The following URI1 variants were observed in gnomAD, a reference collection of about 807,000 sequenced individuals.
The protein encoded by URI1 is URI1 prefoldin like chaperone, also known as unconventional prefoldin RPB5 interactor 1.
Under a neutral mutation model 60.2 loss-of-function variants are expected in URI1, and 39 were observed. That is an observed-to-expected ratio of 0.65 (90% confidence interval 0.50 to 0.85). The LOEUF is 0.85. Among genes scored for constraint, URI1 ranks in the 40% least tolerant of loss-of-function variants. URI1 has a pLI of 0.00. For synonymous variants in URI1, 251 were observed against 236.8 expected (o/e 1.06, Z -0.55); for missense variants, 691 against 665.9 (o/e 1.04, Z -0.42).
intron 4 of URI1, among the ~76,000 whole-genome samples, chr19:29,986,779 T>C (rs1052842190): frequency 3.3e-5 from 5 of 152,216 alleles, no homozygotes; most frequent in African/African-American, 9.7e-5. Flanking sequence ...AATACTTTAG[T>C]ACACAGAAAT....
At chr19:29,969,318 G>A (rs756215771) in intron 1 of URI1, among the ~76,000 whole-genome samples, 26 of 152,310 alleles carry the variant, frequency 1.7e-4, no homozygotes, top group Admixed American at 1.1e-3. Context: ...ACGAAGTGGA[G>A]GGTAGACTAT....
In URI1 at chr19:29,957,092, A is replaced by G. The variant is rs150238270; in HGVS notation, c.118-14101A>G. On this transcript the variant is annotated intron_variant, in intron 1 of 10. Transcript: ENST00000392271. ...ATTTTCCTGCTTATAATTCTTTTGG[A>G]TTTATCAGCAGGAAAACCGTAAAAG... 965 of 489,732 alleles carry G rather than the reference A, an allele frequency of 2.0e-3. 8 individuals are homozygous for G. Among genetic ancestry groups the G allele is most frequent in the African/African-American group, 0.017 (873 of 51,334 alleles). 30.3% of individuals were successfully genotyped at this position (489,732 alleles called of 1,614,324 possible).
chr19:29,980,619 A>C (rs1319107700), intron 2 of URI1, among the ~76,000 whole-genome samples: 1 of 143,940 alleles, frequency 6.9e-6, no homozygotes, highest in African/African-American at 2.5e-5. Context: ...TCTTAAAAAA[A>C]AAAAAAAAAA....
intron 4 of URI1, among the ~76,000 whole-genome samples, chr19:29,995,678 T>A (rs2055803624): frequency 6.6e-6 from 1 of 152,076 alleles, no homozygotes; most frequent in African/African-American, 2.4e-5. Context: ...GCTTTTCATG[T>A]CATATCTAAG....
intron 2 of URI1, among the ~76,000 whole-genome samples, chr19:29,974,583 C>A (rs973237371): frequency 4.6e-5 from 7 of 152,094 alleles, no homozygotes; most frequent in African/African-American, 1.7e-4. Flanking sequence ...CTCCTACCTC[C>A]AATTTTTTTT....
At chr19:29,977,247 C>G (rs1261227963) in intron 2 of URI1, among the ~76,000 whole-genome samples, 6 of 151,668 alleles carry the variant, frequency 4.0e-5, no homozygotes, top group Non-Finnish European at 7.4e-5. Flanking sequence ...TGAGGCATTC[C>G]TTGTGCACAG....
At chr19:29,965,856 G>A (rs937251148) in intron 1 of URI1, among the ~76,000 whole-genome samples, 4 of 152,218 alleles carry the variant, frequency 2.6e-5, no homozygotes, top group African/African-American at 4.8e-5. Flanking sequence ...GCCAGAGCAC[G>A]TTAGACATAG....
At chr19:29,984,225 A>G (rs1490269732) in intron 2 of URI1, among the ~76,000 whole-genome samples, 2 of 152,164 alleles carry the variant, frequency 1.3e-5, no homozygotes, top group East Asian at 3.9e-4. Context: ...CAGGAGTTCG[A>G]GACCAGCCTG....
intron 10 of URI1, 26 bp downstream of exon 10, chr19:30,012,557 TTATTTCATA>T (rs2056036472): frequency 6.2e-7 from 1 of 1,605,138 alleles, no homozygotes; most frequent in Admixed American, 1.7e-5. Flanking sequence ...TTTTAATTCT[TTATTTCATA>T]TAGTATCTTT....
In URI1 at chr19:30,011,135, T is replaced by C; in HGVS notation, c.1077T>C (p.Ser359=). ...NTGKNTTLKF[S]EKKEEAKRKR... ...GAAAGAATACCACTTTAAAATTCAG[T>C]GAAAAGAAAGAAGAAGCCAAACGTA... The change falls in exon 9 of 11, where the codon AGT becomes AGC. Residue 359 remains serine (S), a synonymous_variant. Transcript: ENST00000392271. The C allele has an allele frequency of 6.2e-7, 1 of 1,612,982 alleles. No individual in the cohort carries two copies. The highest frequency in any genetic ancestry group is 8.5e-7 in the Non-Finnish European group (1 of 1,179,680).
chr19:29,955,282 G>A (rs905919836), intron 1 of URI1, among the ~76,000 whole-genome samples: 2 of 151,818 alleles, frequency 1.3e-5, no homozygotes, highest in Non-Finnish European at 2.9e-5. Flanking sequence ...ATATTTTGTG[G>A]TTGCATAGTG....
intron 4 of URI1, among the ~76,000 whole-genome samples, chr19:29,997,928 C>G (rs1431577877): frequency 6.6e-6 from 1 of 152,026 alleles, no homozygotes; most frequent in Non-Finnish European, 1.5e-5. Flanking sequence ...CCATGCCTGG[C>G]TAATTTTTGT....
At chr19:29,970,659 C>G (rs1169619869) in intron 1 of URI1, among the ~76,000 whole-genome samples, 1 of 151,926 alleles carries the variant, frequency 6.6e-6, no homozygotes, top group Admixed American at 6.6e-5. Flanking sequence ...CTCCTTATCC[C>G]AAGTATTTCT....
intron 7 of URI1, among the ~76,000 whole-genome samples, chr19:30,008,004 G>C (rs162942): frequency 6.6e-6 from 1 of 151,962 alleles, no homozygotes; most frequent in Non-Finnish European, 1.5e-5. Context: ...GCCACACCCA[G>C]GATAGTGCTC....
chr19:30,005,780 T>TGAAA, intron 6 of URI1, 72 bp downstream of exon 6: 1 of 1,396,230 alleles, frequency 7.2e-7, no homozygotes, highest in South Asian at 1.3e-5. Flanking sequence ...GTGGGCTTTC[T>TGAAA]GTGAGATATT....
chr19:30,000,065 CT>C (rs1475255160), intron 4 of URI1, among the ~76,000 whole-genome samples: 1 of 151,680 alleles, frequency 6.6e-6, no homozygotes, highest in African/African-American at 2.4e-5. Context: ...CTCCCTGTCT[CT>C]GCTTCTCTAA....
At chr19:29,928,847 G>A (rs1467544126) in intron 1 of URI1, among the ~76,000 whole-genome samples, 2 of 152,176 alleles carry the variant, frequency 1.3e-5, no homozygotes, top group Non-Finnish European at 2.9e-5. Flanking sequence ...AACTCTAAGT[G>A]TGAAGCCAGG....
At chr19:29,940,935 A>G (rs964532356), upstream of URI1, among the ~76,000 whole-genome samples, 1 of 152,184 alleles carries the variant, frequency 6.6e-6, no homozygotes, top group African/African-American at 2.4e-5. Flanking sequence ...GTGGTAGAAG[A>G]GATGGTAACA....
chr19:29,966,215 C>T (rs182712789), intron 1 of URI1, among the ~76,000 whole-genome samples: 5 of 151,338 alleles, frequency 3.3e-5, no homozygotes, highest in Admixed American at 2.0e-4. Flanking sequence ...GGTGTGATCT[C>T]GGCTCACTGC....
Sources: gnomAD v4.1 joint callset for allele counts (sites outside exome capture counted in the v4.1 genomes callset) on GRCh38, gnomAD v4.1.1 for gene constraint, MANE v1.5 for transcripts, NCBI Gene and HGNC (gene_info 2026-07-23, HGNC 2026-07-21) for gene names.